The following CRACD variants were observed in gnomAD, a reference collection of about 807,000 sequenced individuals.
The protein encoded by CRACD is capping protein inhibiting regulator of actin dynamics, also known as capping protein-inhibiting regulator of actin dynamics.
CRACD carries 56 observed loss-of-function variants against 106.8 expected under a neutral mutation model. That is an observed-to-expected ratio of 0.52 (90% CI 0.42 to 0.66). The LOEUF (loss-of-function observed/expected upper bound fraction) is 0.66, where lower values mean the gene tolerates loss of function less well. Among genes scored for constraint, CRACD ranks in the 30% least tolerant of loss-of-function variants. CRACD has a pLI of 0.00. For missense variants in CRACD, 1,730 were observed against 1,623.2 expected, an observed-to-expected ratio of 1.07 and a Z score of -1.13; for synonymous variants, 754 against 670.8, an observed-to-expected ratio of 1.12 and a Z score of -1.92.
At chr4:56,267,123 A>C in intron 2 of CRACD, among the ~76,000 whole-genome samples, 1 of 105,574 alleles carries the variant, frequency 9.5e-6, no homozygotes, top group East Asian at 3.9e-4. Context: ...AATTTATTTA[A>C]GTTTTTTTTT....
intron 1 of CRACD, among the ~76,000 whole-genome samples, chr4:56,154,397 C>T (rs1355861468): frequency 6.6e-6 from 1 of 152,108 alleles, no homozygotes; most frequent in Non-Finnish European, 1.5e-5. Context: ...GCCCAGGAGG[C>T]AGAGGCTGCA....
intron 1 of CRACD, among the ~76,000 whole-genome samples, chr4:56,121,579 G>A (rs1167879819): frequency 6.6e-6 from 1 of 152,098 alleles, no homozygotes; most frequent in Non-Finnish European, 1.5e-5. Flanking sequence ...GGGAGGTGGA[G>A]AGTGCAGTGA....
intron 2 of CRACD, among the ~76,000 whole-genome samples, chr4:56,260,104 A>G (rs1343840341): frequency 1.3e-5 from 2 of 152,224 alleles, no homozygotes; most frequent in African/African-American, 4.8e-5. Flanking sequence ...CCATGACCAC[A>G]TGACTGGTTG....
chr4:56,172,572 C>T (rs946537237), intron 1 of CRACD, among the ~76,000 whole-genome samples: 1 of 152,222 alleles, frequency 6.6e-6, no homozygotes, highest in South Asian at 2.1e-4. Flanking sequence ...AAGCAACTCT[C>T]CTGCCTCAGC....
intron 2 of CRACD, among the ~76,000 whole-genome samples, chr4:56,180,899 T>C (rs918783772): frequency 6.6e-6 from 1 of 152,182 alleles, no homozygotes; most frequent in Non-Finnish European, 1.5e-5. Context: ...TTTTATTAGA[T>C]GGTGGGAGTT....
chr4:56,096,323 G>C lies in CRACD; in HGVS notation c.-336+47024G>C, dbSNP rs555358528. Among the ~76,000 whole-genome samples, 11 of 152,294 alleles carry C rather than the reference G, an allele frequency of 7.2e-5. No individual in the cohort carries two copies. The East Asian group carries it at 1.9e-3, about 27-fold the overall frequency. On this transcript the variant is annotated intron_variant, in intron 1 of 10. Coordinates refer to ENST00000682029, the MANE Select transcript of CRACD (RefSeq NM_001393381.1). ...TTCTGGAGCACTTCAATGTTTACAG[G>C]CTTGGGATATGAAGAGGAATCAGCC...
intron 2 of CRACD, among the ~76,000 whole-genome samples, chr4:56,205,258 G>A (rs1435240328): frequency 2.0e-5 from 3 of 152,082 alleles, no homozygotes; most frequent in Admixed American, 1.3e-4. Context: ...AGTTATGAGA[G>A]CTAGGATGCT....
At chr4:56,138,257 A>G (rs1474691370) in intron 1 of CRACD, among the ~76,000 whole-genome samples, 1 of 152,134 alleles carries the variant, frequency 6.6e-6, no homozygotes, top group East Asian at 1.9e-4. Context: ...TGAGGCCAGG[A>G]GTTCAAGACC....
chr4:56,071,370 C>A (rs139784441), intron 1 of CRACD, among the ~76,000 whole-genome samples: 43 of 152,220 alleles, frequency 2.8e-4, no homozygotes, highest in African/African-American at 8.4e-4. Context: ...GATGATTATT[C>A]TTCTTGTTTT....
Position 56,315,536 on chromosome 4 carries a change from C to T in CRACD, c.2034C>T (p.Asn678=), listed in dbSNP as rs1395382142. ...CCATTCGGTCCAGAATCCTGAAGAA[C>T]GCAGAGAGTGACCCGCGCAGCAGCG... ...WASIRSRILK[N]AESDPRSSER... Residue 678 remains asparagine, a synonymous_variant, in exon 8 of 11, where the codon AAC becomes AAT. Transcript: ENST00000682029. This position sits in a 1 kb window ranked among gnomAD's most constrained non-coding sequence, Gnocchi z 4.1. 6.2e-7 allele frequency: 1 copy of T among 1,613,920 alleles called. No individual in the cohort carries two copies. The highest frequency in any genetic ancestry group is 8.5e-7 in the Non-Finnish European group (1 of 1,180,030).
chr4:56,310,525 G>T, intron 5 of CRACD, 141 bp from the exon 6 acceptor site: 1 of 641,372 alleles, frequency 1.6e-6, no homozygotes. Flanking sequence ...GTCTCCACTG[G>T]GACACCTGCT....
rs566578903 is a variant in CRACD, at chr4:56,198,190, A to G, written c.-189+18760A>G. On this transcript the variant is annotated intron_variant, in intron 2 of 10. Coordinates refer to ENST00000682029, the MANE Select transcript of CRACD (RefSeq NM_001393381.1). ...CCCAAATCAGATTCCATTTTCAGAA[A>G]TCAAAAACGTACATATAAAATGGCG... Among the ~76,000 whole-genome samples the G allele has an allele frequency of 2.2e-3, 329 of 152,310 alleles. 4 individuals are homozygous for G. The highest frequency in any genetic ancestry group is 3.8e-3 in the Non-Finnish European group (260 of 68,022).
At chr4:56,072,127 C>CA (rs531354263) in intron 1 of CRACD, among the ~76,000 whole-genome samples, 27,899 of 91,014 alleles carry the variant, frequency 0.31, 3,378 homozygotes, top group South Asian at 0.33. Context: ...GACTCCGTCT[C>CA]AAAAAAAAAA....
intron 2 of CRACD, among the ~76,000 whole-genome samples, chr4:56,259,039 C>T (rs1457959917): frequency 6.6e-6 from 1 of 152,086 alleles, no homozygotes; most frequent in Non-Finnish European, 1.5e-5. Flanking sequence ...TTAACAAGAG[C>T]GAGTCTGGTA....
intron 1 of CRACD, among the ~76,000 whole-genome samples, chr4:56,108,064 T>A (rs1168655213): frequency 6.6e-6 from 1 of 152,202 alleles, no homozygotes; most frequent in Non-Finnish European, 1.5e-5. Flanking sequence ...TTTGAAATGT[T>A]GTTTTAGATG....
intron 2 of CRACD, among the ~76,000 whole-genome samples, chr4:56,232,934 G>T (rs115723468): frequency 6.6e-6 from 1 of 151,566 alleles, no homozygotes; most frequent in Non-Finnish European, 1.5e-5. Context: ...TCACCATATC[G>T]AACAGGCTGG....
intron 1 of CRACD, among the ~76,000 whole-genome samples, chr4:56,093,454 AT>A (rs1733495220): frequency 6.6e-6 from 1 of 152,124 alleles, no homozygotes; most frequent in Admixed American, 6.5e-5. Context: ...GAATATAATT[AT>A]TTCCGTTTTA....
intron 2 of CRACD, among the ~76,000 whole-genome samples, chr4:56,225,621 G>C (rs1320532416): frequency 6.6e-6 from 1 of 151,834 alleles, no homozygotes; most frequent in Non-Finnish European, 1.5e-5. Flanking sequence ...TGAGTCTTAG[G>C]GGTGCCTAAA....
intron 1 of CRACD, among the ~76,000 whole-genome samples, chr4:56,059,452 C>T (rs1262562234): frequency 2.6e-5 from 4 of 152,190 alleles, no homozygotes; most frequent in East Asian, 1.9e-4. Flanking sequence ...CTCCAGCCTG[C>T]GTGACAGAAT....
Sources: allele counts gnomAD v4.1 joint callset (sites outside exome capture counted in the v4.1 genomes callset), GRCh38; gene constraint gnomAD v4.1.1; non-coding constraint Gnocchi (gnomAD v3.1); transcripts MANE v1.5; gene names NCBI Gene and HGNC (gene_info 2026-07-23, HGNC 2026-07-21).